The following PLPPR1 variants were observed in gnomAD, a reference collection of about 807,000 sequenced individuals.
PLPPR1 encodes phospholipid phosphatase-related protein type 1.
Under a neutral mutation model 33.1 loss-of-function variants are expected in PLPPR1, and 10 were observed. The ratio of observed to expected loss-of-function variants is 0.30; its 90% CI spans 0.19 to 0.51. The LOEUF is 0.51. PLPPR1 is among the 20% of genes least tolerant of loss of function. The pLI, the probability that PLPPR1 is intolerant of heterozygous loss-of-function variation, is 0.97. For missense variants in PLPPR1, 304 were observed against 408.1 expected (o/e 0.74, Z 2.20); for synonymous variants, 151 against 151.0 (o/e 1.00, Z 0.00).
chr9:101,288,133 A>G (rs1206276776), intron 4 of PLPPR1, among the ~76,000 whole-genome samples: 3 of 152,158 alleles, frequency 2.0e-5, no homozygotes, highest in Admixed American at 2.0e-4. Context: ...ATAGACCTTT[A>G]TGCATTGGTA....
intron 1 of PLPPR1, among the ~76,000 whole-genome samples, chr9:101,102,058 C>G (rs73656143): frequency 1.4e-3 from 195 of 136,464 alleles, no homozygotes; most frequent in African/African-American, 5.1e-3. Context: ...TCCCATTATA[C>G]TATAAGCTTG....
intron 1 of PLPPR1, among the ~76,000 whole-genome samples, chr9:101,067,789 T>C (rs1253218436): frequency 2.6e-5 from 4 of 152,034 alleles, no homozygotes; most frequent in African/African-American, 9.7e-5. Context: ...AGTTGAGTGT[T>C]GTGACTAAGA....
chr9:101,038,101 A>G (rs557871091), intron 1 of PLPPR1, among the ~76,000 whole-genome samples: 1 of 152,200 alleles, frequency 6.6e-6, no homozygotes, highest in South Asian at 2.1e-4. Flanking sequence ...TTTCTTCAAC[A>G]TTTTTGGTCC....
intron 2 of PLPPR1, among the ~76,000 whole-genome samples, chr9:101,228,727 C>T (rs566735864): frequency 1.2e-4 from 19 of 152,016 alleles, no homozygotes; most frequent in Non-Finnish European, 2.4e-4. Context: ...ACACCATAAA[C>T]GCTAGACAGG....
chr9:101,078,203 AG>A (rs1164483019), intron 1 of PLPPR1, among the ~76,000 whole-genome samples: 1 of 3,488 alleles, frequency 2.9e-4, no homozygotes, highest in African/African-American at 1.3e-3. Flanking sequence ...GGGGAGGGGG[AG>A]GGGGAGGGGG....
intron 2 of PLPPR1, among the ~76,000 whole-genome samples, chr9:101,262,177 A>G (rs778198284): frequency 6.6e-6 from 1 of 152,164 alleles, no homozygotes; most frequent in Non-Finnish European, 1.5e-5. Context: ...ACACTGCTCT[A>G]AGTACTTGTT....
chr9:101,164,936 G>A (rs1825834442), intron 1 of PLPPR1, among the ~76,000 whole-genome samples: 2 of 151,982 alleles, frequency 1.3e-5, no homozygotes, highest in Non-Finnish European at 2.9e-5. Flanking sequence ...AGAGGGGAGG[G>A]GGTTGGAGGT....
intron 1 of PLPPR1, among the ~76,000 whole-genome samples, chr9:101,126,527 A>G (rs918633127): frequency 1.3e-5 from 2 of 152,170 alleles, no homozygotes; most frequent in African/African-American, 4.8e-5. Flanking sequence ...TGTGCCAGAT[A>G]TGCCTCGGTT....
chr9:101,248,890 C>T (rs1827661195), intron 2 of PLPPR1, among the ~76,000 whole-genome samples: 1 of 152,036 alleles, frequency 6.6e-6, no homozygotes, highest in Non-Finnish European at 1.5e-5. Flanking sequence ...GAAAGACTTT[C>T]TGAGGCCAAA....
chr9:101,259,403 A>C (rs576152522), intron 2 of PLPPR1, among the ~76,000 whole-genome samples: 4 of 152,314 alleles, frequency 2.6e-5, no homozygotes, highest in Non-Finnish European at 5.9e-5. Flanking sequence ...TTTACCTAGA[A>C]TAGCTGTGTC....
At chr9:101,320,462 A>C (rs1451864318) in intron 7 of PLPPR1, among the ~76,000 whole-genome samples, 1 of 152,234 alleles carries the variant, frequency 6.6e-6, no homozygotes, top group African/African-American at 2.4e-5. Flanking sequence ...TAAAGTAGAC[A>C]CTTTAGCCAA....
intron 1 of PLPPR1, among the ~76,000 whole-genome samples, chr9:101,055,421 AT>A (rs1185003325): frequency 2.0e-5 from 3 of 152,188 alleles, no homozygotes; most frequent in Admixed American, 6.5e-5. Context: ...AGTTGGTTTT[AT>A]CTTTCTGAAA....
At chr9:101,031,987 G>A (rs535778326) in intron 1 of PLPPR1, among the ~76,000 whole-genome samples, 1 of 152,278 alleles carries the variant, frequency 6.6e-6, no homozygotes, top group South Asian at 2.1e-4. Flanking sequence ...AGGAGAGTAA[G>A]AAGATCAAGA....
intron 7 of PLPPR1, among the ~76,000 whole-genome samples, chr9:101,318,410 T>C (rs1244355484): frequency 6.6e-6 from 1 of 152,170 alleles, no homozygotes; most frequent in Non-Finnish European, 1.5e-5. Flanking sequence ...TTTACAAATA[T>C]ATCATTACTT....
intron 1 of PLPPR1, among the ~76,000 whole-genome samples, chr9:101,072,516 G>T (rs1011752006): frequency 1.3e-5 from 2 of 152,110 alleles, no homozygotes; most frequent in Admixed American, 6.6e-5. Flanking sequence ...AACTGATTTG[G>T]TGTATAACAA....
intron 6 of PLPPR1, among the ~76,000 whole-genome samples, chr9:101,315,230 A>ACT (rs1829029934): frequency 1.3e-5 from 2 of 151,878 alleles, no homozygotes; most frequent in Admixed American, 6.6e-5. Context: ...TGATTAACCA[A>ACT]CTCCTCTTCC....
At chr9:101,318,404 C>T (rs1466980756) in intron 7 of PLPPR1, among the ~76,000 whole-genome samples, 2 of 152,112 alleles carry the variant, frequency 1.3e-5, no homozygotes, top group Non-Finnish European at 2.9e-5. Context: ...AGGAGCTTTA[C>T]AAATATATCA....
intron 1 of PLPPR1, among the ~76,000 whole-genome samples, chr9:101,166,973 C>A (rs2118682302): frequency 6.8e-6 from 1 of 146,990 alleles, no homozygotes; most frequent in South Asian, 2.3e-4. Flanking sequence ...TCTAACAGAG[C>A]TAATTAGTTA....
intron 2 of PLPPR1, among the ~76,000 whole-genome samples, chr9:101,225,184 T>C (rs1439575890): frequency 6.6e-6 from 1 of 152,202 alleles, no homozygotes; most frequent in African/African-American, 2.4e-5. Flanking sequence ...TCATGCATGT[T>C]ACCATGAATT....
Sources: gnomAD v4.1 joint callset for allele counts (sites outside exome capture counted in the v4.1 genomes callset) on GRCh38, gnomAD v4.1.1 for gene constraint, MANE v1.5 for transcripts, NCBI Gene and HGNC (gene_info 2026-07-23, HGNC 2026-07-21) for gene names.